AMPH: variants seen among roughly 807,000 people sequenced by gnomAD.
AMPH encodes amphiphysin (Stiff-Mann syndrome with breast cancer 128kD autoantigen).
A neutral mutation model predicts 99.1 loss-of-function variants in AMPH; 49 were observed. The observed-to-expected ratio is 0.49, with a 90% CI of 0.39 to 0.63. The LOEUF (loss-of-function observed/expected upper bound fraction) is 0.63. AMPH is among the 20% of genes least tolerant of loss of function. The pLI, the probability that AMPH is intolerant of heterozygous loss-of-function variation, is 0.00. For synonymous variants in AMPH, 314 were observed against 317.3 expected, an observed-to-expected ratio of 0.99 and a Z score of 0.11; for missense variants, 759 against 863.4, an observed-to-expected ratio of 0.88 and a Z score of 1.52.
At chr7:38,618,602 C>A (rs1350225272) in intron 1 of AMPH, among the ~76,000 whole-genome samples, 1 of 151,656 alleles carries the variant, frequency 6.6e-6, no homozygotes, top group East Asian at 1.9e-4. Flanking sequence ...AATCACAATA[C>A]AACAAAAGAG....
intron 4 of AMPH, among the ~76,000 whole-genome samples, chr7:38,491,737 C>T (rs1043576454): frequency 1.3e-5 from 2 of 152,178 alleles, no homozygotes; most frequent in African/African-American, 2.4e-5. Context: ...GTTATTTCCA[C>T]AATACAGAAG....
chr7:38,396,735 T>A (rs904925237), intron 17 of AMPH, among the ~76,000 whole-genome samples: 19 of 152,258 alleles, frequency 1.2e-4, no homozygotes, highest in African/African-American at 4.3e-4. Flanking sequence ...TTTTTATGGA[T>A]GCTATTGTTA....
At chr7:38,545,866 G>C (rs920527936) in intron 1 of AMPH, among the ~76,000 whole-genome samples, 8 of 152,066 alleles carry the variant, frequency 5.3e-5, no homozygotes, top group Admixed American at 2.0e-4. Context: ...TTCACCGATG[G>C]TTTCTATATT....
chr7:38,517,994 C>A, intron 2 of AMPH, among the ~76,000 whole-genome samples: 1 of 152,158 alleles, frequency 6.6e-6, no homozygotes, highest in East Asian at 1.9e-4. Flanking sequence ...CCTGGGGCAC[C>A]CTCCACCCTC....
chr7:38,419,125 CTAAT>C (rs1785496385), intron 16 of AMPH, among the ~76,000 whole-genome samples: 1 of 152,022 alleles, frequency 6.6e-6, no homozygotes, highest in South Asian at 2.1e-4. Flanking sequence ...TAAGAAGTCT[CTAAT>C]TAATGCTGTG....
chr7:38,587,937 TGTGTGTGTGTGTGCGC>T (rs1265242994), intron 1 of AMPH, among the ~76,000 whole-genome samples: 2 of 148,824 alleles, frequency 1.3e-5, no homozygotes, highest in Non-Finnish European at 3.0e-5. Flanking sequence ...TGTGTGTGTG[TGTGTGTGTGTGTGCGC>T]GTGTGTGTGT....
chr7:38,385,171 C>T (rs13231472), intron 20 of AMPH, among the ~76,000 whole-genome samples: 27,906 of 151,828 alleles, frequency 0.18, 3,039 homozygotes, highest in Middle Eastern at 0.33. Flanking sequence ...TAAAGTATAG[C>T]TAATGCTTTG....
intron 1 of AMPH, among the ~76,000 whole-genome samples, 167 bp downstream of exon 1, chr7:38,631,116 C>A (rs1794445563): frequency 6.6e-6 from 1 of 151,836 alleles, no homozygotes; most frequent in African/African-American, 2.4e-5. Context: ...TCGCGCCTTG[C>A]GGCAGTCACC....
intron 2 of AMPH, among the ~76,000 whole-genome samples, chr7:38,530,106 A>C (rs971334707): frequency 3.9e-5 from 6 of 152,216 alleles, no homozygotes; most frequent in Non-Finnish European, 8.8e-5. Context: ...TCAAAGTGAT[A>C]ATTTCTGCCA....
intron 1 of AMPH, among the ~76,000 whole-genome samples, chr7:38,552,887 A>G (rs535018935): frequency 6.6e-6 from 1 of 152,212 alleles, no homozygotes; most frequent in Non-Finnish European, 1.5e-5. Flanking sequence ...ATACATGTGC[A>G]TTGAGACCTC....
chr7:38,555,900 G>A (rs1791345283), intron 1 of AMPH, among the ~76,000 whole-genome samples: 1 of 152,036 alleles, frequency 6.6e-6, no homozygotes, highest in Non-Finnish European at 1.5e-5. Context: ...TTATAAGTGG[G>A]AGCTGAGCAT....
At chr7:38,502,677 T>C (rs536828559) in intron 3 of AMPH, among the ~76,000 whole-genome samples, 1 of 152,254 alleles carries the variant, frequency 6.6e-6, no homozygotes, top group South Asian at 2.1e-4. Context: ...GCAATACTCC[T>C]GCCCAGCCCT....
chr7:38,525,277 T>TATATATATATATATATATAGAGAGAG (rs1481528083), intron 2 of AMPH, among the ~76,000 whole-genome samples: 1 of 86,660 alleles, frequency 1.2e-5, no homozygotes, highest in African/African-American at 4.7e-5. Context: ...TATATATATA[T>TATATATATATATATATATAGAGAGAG]AGAGAGAGAG....
At chr7:38,613,110 G>A (rs1259180396) in intron 1 of AMPH, among the ~76,000 whole-genome samples, 1 of 152,108 alleles carries the variant, frequency 6.6e-6, no homozygotes, top group Non-Finnish European at 1.5e-5. Flanking sequence ...AGAGAGACTT[G>A]ACCAAGACCA....
chr7:38,428,993 T>A (rs1461575923), intron 14 of AMPH: 1 of 1,289,168 alleles, frequency 7.8e-7, no homozygotes, highest in Non-Finnish European at 1.0e-6. Flanking sequence ...TCCTTTCACA[T>A]GCTTTCTCTT....
chr7:38,605,186 G>A (rs1337176170), intron 1 of AMPH, among the ~76,000 whole-genome samples: 1 of 152,142 alleles, frequency 6.6e-6, no homozygotes, highest in East Asian at 1.9e-4. Flanking sequence ...ACTCAGAGCA[G>A]AAAGGGTGGG....
chr7:38,451,332 TATATATACATATATAC>T (rs1787014563), intron 11 of AMPH, among the ~76,000 whole-genome samples: 2 of 151,470 alleles, frequency 1.3e-5, no homozygotes, highest in Non-Finnish European at 2.9e-5. Flanking sequence ...TATACACATG[TATATATACATATATAC>T]GTTATATACA....
chr7:38,619,430 T>C (rs1168284114), intron 1 of AMPH, among the ~76,000 whole-genome samples: 9 of 151,970 alleles, frequency 5.9e-5, no homozygotes, highest in Non-Finnish European at 1.2e-4. Context: ...AAGAAAGAAA[T>C]AGACAATTCA....
At chr7:38,428,156 A>C (rs1207297410) in intron 14 of AMPH, 9 of 456,636 alleles carry the variant, frequency 2.0e-5, no homozygotes, top group Non-Finnish European at 3.5e-5. Context: ...GGTTAATAGA[A>C]TCCAGACAAC....
Sources: gnomAD v4.1 joint callset for allele counts (sites outside exome capture counted in the v4.1 genomes callset) on GRCh38, gnomAD v4.1.1 for gene constraint, MANE v1.5 for transcripts, NCBI Gene and HGNC (gene_info 2026-07-23, HGNC 2026-07-21) for gene names.